PCBP2: variants seen among roughly 807,000 people sequenced by gnomAD.
PCBP2 encodes the protein poly(rC)-binding protein 2.
PCBP2 carries 4 observed loss-of-function variants against 50.1 expected under a neutral mutation model. That is an observed-to-expected ratio of 0.08 (90% confidence interval 0.04 to 0.18). PCBP2 has a LOEUF of 0.18. PCBP2 is among the 10% of genes least tolerant of loss of function. The probability of loss-of-function intolerance (pLI) is 1.00; values close to 1 mark genes in which losing one functional copy is unlikely to be tolerated. For synonymous variants in PCBP2, 179 were observed against 168.0 expected (o/e 1.07, Z -0.51); for missense variants, 161 against 474.3 (o/e 0.34, Z 6.14).
At chr12:53,467,431 G>A (rs1395251371) in intron 11 of PCBP2, 138 bp downstream of exon 11, 3 of 786,366 alleles carry the variant, frequency 3.8e-6, no homozygotes, top group East Asian at 2.5e-5. Flanking sequence ...GTCTACTATG[G>A]CTAAGCCCAA....
At position 53,464,781 on chromosome 12, in the gene PCBP2, G is replaced by A; in HGVS notation, c.601G>A (p.Asp201Asn). Residue 201 changes from aspartate to asparagine, a missense_variant, in exon 9 of 15, where the codon GAC becomes AAC. Transcript: ENST00000546463. ...ACAGGACAGGTACAGCACAGGCAGC[G>A]ACAGTGCGAGCTTTCCCCACACCAC... ...GGQDRYSTGSDSASFPHTTPS... is the reference protein window; with the variant it reads ...GGQDRYSTGSNSASFPHTTPS... 4 of 1,612,116 alleles carry A rather than the reference G, an allele frequency of 2.5e-6. No homozygotes were observed. Among genetic ancestry groups the A allele is most frequent in the South Asian group, 1.1e-5 (1 of 90,726 alleles).
At position 53,455,390 on chromosome 12, in the gene PCBP2, A is replaced by G. The variant is rs1940930589; in HGVS notation, c.93+20A>G. On this transcript the variant is annotated intron_variant, in intron 3 of 14. Coordinates refer to ENST00000546463, the MANE Select transcript of PCBP2 (RefSeq NM_031989.5). ...GGAAAGGTAAGACAATTTCACTTCAACTTCAATTACCATTTAGTAATTCTG... is the reference window on the plus strand; with the variant it reads ...GGAAAGGTAAGACAATTTCACTTCAGCTTCAATTACCATTTAGTAATTCTG... The G allele has an allele frequency of 6.2e-7, 1 of 1,613,930 alleles. No individual in the cohort carries two copies. Among genetic ancestry groups the G allele is most frequent in the African/African-American group, 1.3e-5 (1 of 75,054 alleles).
At chr12:53,453,731 G>A (rs1211966006) in intron 1 of PCBP2, among the ~76,000 whole-genome samples, 1 of 152,126 alleles carries the variant, frequency 6.6e-6, no homozygotes, top group Admixed American at 6.6e-5. Context: ...AAGCTGTTAC[G>A]ATTAGGTGCT....
intron 14 of PCBP2, chr12:53,475,549 CT>C (rs67600882): frequency 0.011 from 1,597 of 146,430 alleles, 2 homozygotes; most frequent in South Asian, 0.025. Flanking sequence ...GCTTCGTTAA[CT>C]TTTTTTTTTT....
chr12:53,470,377 T>TC (rs1942125707), intron 13 of PCBP2, among the ~76,000 whole-genome samples: 1 of 22,972 alleles, frequency 4.4e-5, no homozygotes, highest in Non-Finnish European at 1.2e-4. Flanking sequence ...ACTCCGTCTC[T>TC]CAAAAAAAAA....
intron 13 of PCBP2, 151 bp downstream of exon 13, chr12:53,468,983 G>T: frequency 1.7e-6 from 1 of 586,036 alleles, no homozygotes; most frequent in Non-Finnish European, 2.9e-6. Context: ...GCTCACCGCA[G>T]CCTCCGCCTC....
intron 13 of PCBP2, among the ~76,000 whole-genome samples, chr12:53,470,619 C>G (rs577407010): frequency 6.6e-6 from 1 of 151,956 alleles, no homozygotes; most frequent in African/African-American, 2.4e-5. Flanking sequence ...CCATGAAACT[C>G]CTGAACGCAA....
At chr12:53,461,564 T>A (rs181540781) in intron 7 of PCBP2, among the ~76,000 whole-genome samples, 14 of 152,258 alleles carry the variant, frequency 9.2e-5, no homozygotes, top group Admixed American at 4.6e-4. Context: ...AGTAGAAAAA[T>A]GTATGTATGA....
chr12:53,470,402 A>AAAAAAAAAAAAAAT (rs1942135487), intron 13 of PCBP2, among the ~76,000 whole-genome samples: 1 of 48,176 alleles, frequency 2.1e-5, no homozygotes, highest in African/African-American at 4.8e-5. Flanking sequence ...AAAAAAAAAA[A>AAAAAAAAAAAAAAT]GTGTAGTGGC....
At chr12:53,469,665 T>C (rs1042261025) in intron 13 of PCBP2, among the ~76,000 whole-genome samples, 2 of 151,888 alleles carry the variant, frequency 1.3e-5, no homozygotes, top group African/African-American at 4.8e-5. Context: ...AGGCGGAGGT[T>C]GTGGTGAGCC....
At chr12:53,479,343 G>C in intron 14 of PCBP2, 63 bp from the exon 15 acceptor site, 1 of 1,395,246 alleles carries the variant, frequency 7.2e-7, no homozygotes, top group Non-Finnish European at 1.0e-6. Context: ...TCATGAACCA[G>C]GTAGAGATGA....
At chr12:53,468,577 G>T (rs1941979540) in intron 12 of PCBP2, 200 bp from the exon 13 acceptor site, 1 of 583,064 alleles carries the variant, frequency 1.7e-6, no homozygotes, top group Non-Finnish European at 3.1e-6. Context: ...TCTTCTGAGT[G>T]TACAGAAGAA....
At chr12:53,460,145 CTT>C (rs35129195) in intron 6 of PCBP2, 2,711 of 188,314 alleles carry the variant, frequency 0.014, no homozygotes, top group South Asian at 0.041. Context: ...AATTCTACAT[CTT>C]TTTTTTTTTT....
At chr12:53,454,365 A>G (rs1940832122) in intron 1 of PCBP2, 1 of 161,372 alleles carries the variant, frequency 6.2e-6, no homozygotes, top group African/African-American at 2.4e-5. Context: ...GTAGTTGGAG[A>G]TTTGCACTCA....
At chr12:53,472,457 A>C (rs1166046851) in intron 14 of PCBP2, among the ~76,000 whole-genome samples, 1 of 152,180 alleles carries the variant, frequency 6.6e-6, no homozygotes, top group Non-Finnish European at 1.5e-5. Flanking sequence ...TACTACTCTC[A>C]ATTTTAGGAC....
intron 14 of PCBP2, among the ~76,000 whole-genome samples, chr12:53,474,479 T>C (rs1942444381): frequency 6.6e-6 from 1 of 152,222 alleles, no homozygotes; most frequent in African/African-American, 2.4e-5. Flanking sequence ...TCTGTTAGAA[T>C]AGGAAATTGA....
At chr12:53,456,497 G>C (rs774637449) in intron 5 of PCBP2, among the ~76,000 whole-genome samples, 2 of 151,250 alleles carry the variant, frequency 1.3e-5, no homozygotes, top group South Asian at 4.2e-4. Context: ...AAAACAGTTT[G>C]AGTTTTGCCA....
intron 8 of PCBP2, 171 bp from the exon 9 acceptor site, chr12:53,464,589 A>T: frequency 1.2e-6 from 1 of 836,004 alleles, no homozygotes; most frequent in Non-Finnish European, 1.8e-6. Context: ...ATCTGCCACT[A>T]GGTAACTTTT....
At chr12:53,462,365 C>T in intron 7 of PCBP2, 128 bp from the exon 8 acceptor site, 1 of 643,552 alleles carries the variant, frequency 1.6e-6, no homozygotes, top group Non-Finnish European at 2.7e-6. Context: ...TAGCCAGAGA[C>T]AATTTGGTAG....
Sources: gnomAD v4.1 joint callset for allele counts (sites outside exome capture counted in the v4.1 genomes callset) on GRCh38, gnomAD v4.1.1 for gene constraint, MANE v1.5 for transcripts, NCBI Gene and HGNC (gene_info 2026-07-23, HGNC 2026-07-21) for gene names.